SMAD2: variants seen among roughly 807,000 people sequenced by gnomAD.
The protein encoded by SMAD2 is MAD homolog 2.
SMAD2 carries 8 observed loss-of-function variants against 64.4 expected under a neutral mutation model. That is an observed-to-expected ratio of 0.12 (90% CI 0.07 to 0.22). The LOEUF (loss-of-function observed/expected upper bound fraction) is 0.22, where lower values mean the gene tolerates loss of function less well. SMAD2 is among the 10% of genes least tolerant of loss of function. SMAD2 has a pLI of 1.00. For synonymous variants in SMAD2, 203 were observed against 195.8 expected, an observed-to-expected ratio of 1.04 and a Z score of -0.31; for missense variants, 289 against 561.2, an observed-to-expected ratio of 0.51 and a Z score of 4.90.
Position 47,840,283 on chromosome 18 carries a change from C to G in SMAD2, c.*1544G>C, listed in dbSNP as rs980090036. Reference sequence around the variant, plus strand: ...AAAAATATGAAAATTTATGAAAAGACGACCAGGAGTGGTTATTTTCCATTT... The same window carrying G: ...AAAAATATGAAAATTTATGAAAAGAGGACCAGGAGTGGTTATTTTCCATTT... On this transcript the variant is annotated 3_prime_UTR_variant, in exon 11 of 11. Transcript: ENST00000262160. 8.6e-6 allele frequency: 2 copies of G among 232,724 alleles called. No individual in the cohort carries two copies. Among genetic ancestry groups the G allele is most frequent in the Admixed American group, 5.6e-5 (1 of 17,766 alleles). The allele number at this position is 232,724 out of a possible 1,614,324, so 14.4% of individuals were successfully genotyped here.
rs1162971074 is a variant in SMAD2 at position 47,870,652 on chromosome 18, C to T, written c.237-88G>A. 4 of 869,294 alleles carry T rather than the reference C, an allele frequency of 4.6e-6. No homozygotes were observed. In the East Asian group the frequency reaches 7.2e-5, roughly 16 times the overall value. 53.8% of individuals were successfully genotyped at this position (869,294 alleles called of 1,614,324 possible). On this transcript the variant is annotated intron_variant, in intron 2 of 10. Transcript: ENST00000262160. ...CATGATGTAAAACATGGAGAATGTACAGAATACTTCCTTCACCCAGAAAAT... is the reference window on the plus strand; with the variant it reads ...CATGATGTAAAACATGGAGAATGTATAGAATACTTCCTTCACCCAGAAAAT...
chr18:47,924,447 C>T (rs1187523325), intron 1 of SMAD2, among the ~76,000 whole-genome samples: 2 of 151,636 alleles, frequency 1.3e-5, no homozygotes, highest in Admixed American at 1.3e-4. Context: ...AGATTTGCCA[C>T]CCCACATTTT....
chr18:47,850,428 ATATATATTATG>A (rs1915193499), intron 7 of SMAD2, among the ~76,000 whole-genome samples: 1 of 22,076 alleles, frequency 4.5e-5, no homozygotes, highest in Non-Finnish European at 7.1e-5. Context: ...ATAATATATT[ATATATATTATG>A]TATAATATAT....
intron 5 of SMAD2, among the ~76,000 whole-genome samples, chr18:47,865,969 A>G (rs1183294871): frequency 1.3e-5 from 2 of 152,176 alleles, no homozygotes; most frequent in African/African-American, 4.8e-5. Context: ...TACACTGAAC[A>G]GTTTTGAGCG....
intron 8 of SMAD2, among the ~76,000 whole-genome samples, chr18:47,847,389 C>A (rs1160062500): frequency 6.6e-6 from 1 of 151,884 alleles, no homozygotes; most frequent in Admixed American, 6.6e-5. Flanking sequence ...AAAACAGAAG[C>A]AAACTACTGT....
intron 2 of SMAD2, among the ~76,000 whole-genome samples, chr18:47,892,351 C>T (rs1267699835): frequency 6.6e-6 from 1 of 152,138 alleles, no homozygotes; most frequent in Non-Finnish European, 1.5e-5. Flanking sequence ...AGGCACATGC[C>T]ACCACACCCA....
intron 2 of SMAD2, among the ~76,000 whole-genome samples, chr18:47,891,734 T>C (rs533928786): frequency 5.3e-5 from 8 of 151,906 alleles, no homozygotes; most frequent in African/African-American, 1.7e-4. Context: ...AACATACAAA[T>C]ATCAGAATGC....
rs1487321382 is a variant in SMAD2, at chr18:47,821,000, T to G, written c.*20827A>C. On this transcript the variant is annotated 3_prime_UTR_variant, in exon 11 of 11. Coordinates refer to ENST00000262160, the MANE Select transcript of SMAD2 (RefSeq NM_005901.6). The stretch of plus-strand genomic sequence containing the variant: ...TTTAAGGATCTGGTCTTAATAAAAT[T>G]GAAAGAGGTTTTAATTTTTAATTCT... 6.6e-6 allele frequency: 1 copy of G among 151,412 alleles called. No individual in the cohort carries two copies. Among genetic ancestry groups the G allele is most frequent in the African/African-American group, 2.4e-5 (1 of 40,904 alleles). 9.4% of individuals were successfully genotyped at this position (151,412 alleles called of 1,614,324 possible).
intron 6 of SMAD2, among the ~76,000 whole-genome samples, chr18:47,858,587 A>G (rs2030916596): frequency 6.6e-6 from 1 of 152,222 alleles, no homozygotes; most frequent in African/African-American, 2.4e-5. Flanking sequence ...GGGTTTATAT[A>G]TTTTTATTAA....
At chr18:47,913,999 C>T (rs1002426128) in intron 1 of SMAD2, among the ~76,000 whole-genome samples, 3 of 152,144 alleles carry the variant, frequency 2.0e-5, no homozygotes, top group East Asian at 1.9e-4. Context: ...GATTACTCAC[C>T]GGAAAGTTTC....
At position 47,928,443 on chromosome 18, in the gene SMAD2, T is replaced by C. The variant is rs565745050; in HGVS notation, c.-54+1918A>G. 2.9e-4 allele frequency among the ~76,000 whole-genome samples: 44 copies of C among 152,284 alleles called. No homozygotes were observed. The South Asian group carries it at 3.7e-3, about 13-fold the overall frequency. On this transcript the variant is annotated intron_variant, in intron 1 of 10. Transcript: ENST00000262160. ...GATTCTAATATTTACAATGTGAAAA[T>C]GAAAAGGGGACAACAACCTCTGGCC...
At chr18:47,871,186 T>C (rs75353126) in intron 2 of SMAD2, among the ~76,000 whole-genome samples, 7,612 of 152,218 alleles carry the variant, frequency 0.05, 586 homozygotes, top group East Asian at 0.21. Context: ...TCTCCCTTTT[T>C]CCCTACCTTT....
At chr18:47,901,061 A>G (rs8097912) in intron 1 of SMAD2, among the ~76,000 whole-genome samples, 87,379 of 152,020 alleles carry the variant, frequency 0.57, 25,545 homozygotes, top group East Asian at 0.85. Context: ...AATGTTCTAC[A>G]TATGACAATT....
chr18:47,913,076 C>T (rs995269589), intron 1 of SMAD2, among the ~76,000 whole-genome samples: 5 of 151,988 alleles, frequency 3.3e-5, no homozygotes, highest in Non-Finnish European at 5.9e-5. Flanking sequence ...CGCGTCAACA[C>T]GCTCGGCTAA....
chr18:47,828,969 AGTT>A lies in SMAD2; in HGVS notation c.*12855_*12857del. On this transcript the variant is annotated 3_prime_UTR_variant, in exon 11 of 11. Transcript: ENST00000262160. ...AAAAAAAAAAAAAAAAAAAGACTTT[AGTT>A]CAAGTTGAGACCAAAGACTGTGCTA... The A allele has an allele frequency of 8.5e-6, 1 of 118,064 alleles. No homozygotes were observed. Among genetic ancestry groups the A allele is most frequent in the East Asian group, 2.9e-4 (1 of 3,474 alleles). The allele number at this position is 118,064 out of a possible 1,614,324, so 7.3% of individuals were successfully genotyped here.
At chr18:47,885,811 A>C (rs1442811032) in intron 2 of SMAD2, among the ~76,000 whole-genome samples, 2 of 152,096 alleles carry the variant, frequency 1.3e-5, no homozygotes, top group Non-Finnish European at 2.9e-5. Context: ...AAAATACAAA[A>C]ATTAGCCTAG....
In SMAD2 at chr18:47,868,344, G is replaced by T. The variant is rs1256444049; in HGVS notation, c.634C>A (p.Pro212Thr). The T allele has an allele frequency of 6.2e-7, 1 of 1,612,780 alleles. No individual in the cohort carries two copies. ...ENTNFPAGIEPQSNYIPETPP... is the reference protein window; with the variant it reads ...ENTNFPAGIETQSNYIPETPP... Reference sequence around the variant, plus strand: ...ATACCTGGAATATAATTACTCTGTGGCTCAATTCCTGCTGGGAAGTTAGTG... The same window carrying T: ...ATACCTGGAATATAATTACTCTGTGTCTCAATTCCTGCTGGGAAGTTAGTG... The change falls in exon 5 of 11, where the codon CCA becomes ACA. Residue 212 changes from proline to threonine, a missense_variant. Physicochemically the swap from Pro to Thr is conservative, Grantham distance 38. This residue lies in a region of SMAD2 where 119 missense variants were observed against 156.7 expected (regional missense o/e 0.76). Transcript: ENST00000262160.
chr18:47,850,300 ATATTATGT>A (rs1915083484), intron 7 of SMAD2, among the ~76,000 whole-genome samples: 1 of 44,844 alleles, frequency 2.2e-5, no homozygotes, highest in Non-Finnish European at 3.7e-5. Flanking sequence ...TGTATAATAT[ATATTATGT>A]ATGTTATATA....
At position 47,834,043 on chromosome 18, in the gene SMAD2, G is replaced by A. The variant is rs1256796149; in HGVS notation, c.*7784C>T. ...TAAGTGTGAGTCTCACCACCATACT[G>A]GTACCTTCAGCTATTACCTGTGTTA... On this transcript the variant is annotated 3_prime_UTR_variant, in exon 11 of 11. Coordinates refer to ENST00000262160, the MANE Select transcript of SMAD2 (RefSeq NM_005901.6). 4.5e-6 allele frequency: 1 copy of A among 219,842 alleles called. No homozygotes were observed. The highest frequency in any genetic ancestry group is 9.1e-6 in the Non-Finnish European group (1 of 110,100). 13.6% of individuals were successfully genotyped at this position (219,842 alleles called of 1,614,324 possible). A position where few individuals can be genotyped will look rare whatever the true frequency, so the allele number is the denominator to read the frequency against.
Sources: gnomAD v4.1 joint callset for allele counts (sites outside exome capture counted in the v4.1 genomes callset) on GRCh38, gnomAD v4.1.1 for gene constraint, gnomAD v4.1.1 regional missense constraint, MANE v1.5 for transcripts, NCBI Gene and HGNC (gene_info 2026-07-23, HGNC 2026-07-21) for gene names.